The following COA1 variants were observed in gnomAD, a reference collection of about 807,000 sequenced individuals.
COA1 encodes the protein cytochrome c oxidase assembly factor 1.
A neutral mutation model predicts 16.0 loss-of-function variants in COA1; 13 were observed. That is an observed-to-expected ratio of 0.81 (90% CI 0.53 to 1.29). The LOEUF (loss-of-function observed/expected upper bound fraction) is 1.29. Among genes scored for constraint, COA1 ranks in the 50% most tolerant of loss-of-function variants. The pLI is 0.00. For missense variants in COA1, 179 were observed against 177.0 expected (o/e 1.01, Z -0.06); for synonymous variants, 65 against 65.7 (o/e 0.99, Z 0.05).
intron 6 of COA1, among the ~76,000 whole-genome samples, chr7:43,610,625 C>T (rs186498881): frequency 1.3e-3 from 194 of 152,154 alleles, no homozygotes; most frequent in African/African-American, 4.6e-3. Flanking sequence ...TGAGATCACG[C>T]CATTGCACTC....
intron 1 of COA1, among the ~76,000 whole-genome samples, chr7:43,666,570 A>T (rs1007002877): frequency 4.6e-5 from 7 of 152,236 alleles, no homozygotes; most frequent in African/African-American, 1.7e-4. Context: ...TTTAGTTCAC[A>T]TGACTTCAAG....
intron 6 of COA1, chr7:43,619,767 C>T (rs1563163301): frequency 3.1e-6 from 5 of 1,601,100 alleles, no homozygotes; most frequent in Non-Finnish European, 3.4e-6. Context: ...TCAGGCATCA[C>T]CTTCATTAGG....
At chr7:43,695,727 T>A (rs897245270) in intron 1 of COA1, among the ~76,000 whole-genome samples, 1 of 152,134 alleles carries the variant, frequency 6.6e-6, no homozygotes, top group Non-Finnish European at 1.5e-5. Flanking sequence ...GTGACCAACA[T>A]CTGGAACACA....
chr7:43,685,706 A>C (rs1040277446), intron 1 of COA1, among the ~76,000 whole-genome samples: 4 of 152,162 alleles, frequency 2.6e-5, no homozygotes, highest in African/African-American at 9.7e-5. Context: ...TCCTGGAACA[A>C]ACCCAGACAA....
At chr7:43,633,005 AGCATTG>A (rs971094756) in intron 6 of COA1, 1 of 152,220 alleles carries the variant, frequency 6.6e-6, no homozygotes, top group African/African-American at 2.4e-5. Context: ...ATAGTCAATG[AGCATTG>A]GCTTTAACTG....
chr7:43,702,916 C>T (rs556090050), intron 1 of COA1, among the ~76,000 whole-genome samples: 1 of 152,184 alleles, frequency 6.6e-6, no homozygotes, highest in East Asian at 1.9e-4. Flanking sequence ...TCTTGTTTTT[C>T]TAGAGTTCCT....
Position 43,648,660 on chromosome 7 carries a change from T to C in COA1, c.-38-8A>G, listed in dbSNP as rs2090098502. 3.7e-6 allele frequency: 6 copies of C among 1,601,436 alleles called. No homozygotes were observed. In the African/African-American group the frequency reaches 4.0e-5, roughly 11 times the overall value. On this transcript the variant is annotated splice_region_variant and splice_polypyrimidine_tract_variant and intron_variant, in intron 1 of 5. Coordinates refer to ENST00000223336, the MANE Select transcript of COA1 (RefSeq NM_018224.4). ...CATCAAAGGCAAGTTGTCCTGCAAT[T>C]AGAAAAGATTTTACATTAAAATCAT...
At chr7:43,649,367 T>G (rs1216035957) in intron 1 of COA1, 2 of 152,246 alleles carry the variant, frequency 1.3e-5, no homozygotes, top group Non-Finnish European at 2.9e-5. Flanking sequence ...TACACGAGCT[T>G]TAAGATATCT....
intron 1 of COA1, among the ~76,000 whole-genome samples, chr7:43,699,793 G>A (rs2094649204): frequency 6.6e-6 from 1 of 152,166 alleles, no homozygotes; most frequent in Non-Finnish European, 1.5e-5. Context: ...GAAATATGTT[G>A]AAAGAGAAAT....
At chr7:43,668,342 A>G (rs1198186497) in intron 1 of COA1, among the ~76,000 whole-genome samples, 1 of 152,216 alleles carries the variant, frequency 6.6e-6, no homozygotes, top group Non-Finnish European at 1.5e-5. Flanking sequence ...CTTATCTGAG[A>G]TTCCTGTGGA....
intron 1 of COA1, among the ~76,000 whole-genome samples, chr7:43,718,895 T>C (rs758362759): frequency 1.3e-5 from 2 of 152,066 alleles, no homozygotes; most frequent in Admixed American, 6.6e-5. Flanking sequence ...TCCATGTCCA[T>C]TGGGTTTTTA....
At chr7:43,676,077 G>A (rs867007575) in intron 1 of COA1, among the ~76,000 whole-genome samples, 3 of 151,984 alleles carry the variant, frequency 2.0e-5, no homozygotes, top group Admixed American at 6.5e-5. Context: ...AAGAAATCTC[G>A]TAAAAGAAAT....
intron 6 of COA1, chr7:43,623,262 G>T (rs575030292): frequency 2.4e-5 from 6 of 253,570 alleles, no homozygotes; most frequent in Non-Finnish European, 4.5e-5. Context: ...TAAAAGCCAT[G>T]ATCTGATAGA....
chr7:43,724,488 T>C (rs561650830), intron 1 of COA1, among the ~76,000 whole-genome samples: 2 of 151,060 alleles, frequency 1.3e-5, no homozygotes, highest in South Asian at 2.1e-4. Flanking sequence ...GAGGCAGAGG[T>C]TGCAGTGAGC....
chr7:43,704,225 T>C (rs1280001087), intron 1 of COA1, among the ~76,000 whole-genome samples: 1 of 152,208 alleles, frequency 6.6e-6, no homozygotes, highest in Non-Finnish European at 1.5e-5. Flanking sequence ...GCACCTTCTA[T>C]ATAGCTGCCT....
At chr7:43,694,476 T>C (rs1257531732) in intron 1 of COA1, among the ~76,000 whole-genome samples, 1 of 152,190 alleles carries the variant, frequency 6.6e-6, no homozygotes, top group Non-Finnish European at 1.5e-5. Flanking sequence ...GTCCTCCGTA[T>C]TGTTAAAACC....
intron 1 of COA1, among the ~76,000 whole-genome samples, chr7:43,671,396 A>G (rs1389498201): frequency 3.3e-5 from 5 of 152,198 alleles, no homozygotes; most frequent in Non-Finnish European, 7.4e-5. Flanking sequence ...TATCTAGAAT[A>G]CATATAAAGA....
At chr7:43,705,996 A>G (rs1002609726) in intron 1 of COA1, among the ~76,000 whole-genome samples, 5 of 151,798 alleles carry the variant, frequency 3.3e-5, no homozygotes, top group Non-Finnish European at 7.4e-5. Context: ...CTTCTTTCCA[A>G]AGATCTGTTC....
At chr7:43,710,478 T>G (rs2095206092) in intron 1 of COA1, among the ~76,000 whole-genome samples, 2 of 150,418 alleles carry the variant, frequency 1.3e-5, no homozygotes, top group Middle Eastern at 7.0e-3. Context: ...CATGTCTCAT[T>G]CCCTTTCTAG....
Sources: allele counts gnomAD v4.1 joint callset (sites outside exome capture counted in the v4.1 genomes callset), GRCh38; gene constraint gnomAD v4.1.1; transcripts MANE v1.5; gene names NCBI Gene and HGNC (gene_info 2026-07-23, HGNC 2026-07-21).